Variants in CSMD1 observed in about 807,000 individuals in gnomAD.
CSMD1 encodes the protein CUB and sushi domain-containing protein 1.
Under a neutral mutation model 417.5 loss-of-function variants are expected in CSMD1, and 213 were observed. That is an observed-to-expected ratio of 0.51 (90% CI 0.46 to 0.57). CSMD1 has a LOEUF of 0.57. Ranked by LOEUF, CSMD1 falls within the 20% of genes least tolerant of loss-of-function variation. The pLI is 0.00. For missense variants in CSMD1, 6,923 were observed against 4,529.7 expected (o/e 1.53, Z -15.17); for synonymous variants, 2,862 against 1,736.8 (o/e 1.65, Z -16.11).
intron 7 of CSMD1, among the ~76,000 whole-genome samples, chr8:3,704,537 G>A (rs1045297749): frequency 6.6e-6 from 1 of 152,166 alleles, no homozygotes; most frequent in Non-Finnish European, 1.5e-5. Flanking sequence ...CAGCTAGAGA[G>A]ATAAGAGGAG....
At chr8:3,441,510 T>TATATATATAC (rs1369666489) in intron 12 of CSMD1, among the ~76,000 whole-genome samples, 1 of 147,046 alleles carries the variant, frequency 6.8e-6, no homozygotes, top group African/African-American at 2.5e-5. Flanking sequence ...TATATATATA[T>TATATATATAC]ACACACACAC....
At chr8:4,460,517 C>T (rs534871800) in intron 2 of CSMD1, among the ~76,000 whole-genome samples, 236 of 152,040 alleles carry the variant, frequency 1.6e-3, no homozygotes, top group African/African-American at 4.9e-3. Context: ...TGAACGTAAG[C>T]AAATTCAAAG....
chr8:4,051,854 C>CTCTT (rs796443496), intron 3 of CSMD1, among the ~76,000 whole-genome samples: 5,068 of 28,022 alleles, frequency 0.18, 282 homozygotes, highest in East Asian at 0.43. Context: ...CTTTTCTTTT[C>CTCTT]TCTTTCTTTC....
intron 21 of CSMD1, among the ~76,000 whole-genome samples, chr8:3,354,472 T>G (rs1292621544): frequency 6.6e-6 from 1 of 152,140 alleles, no homozygotes; most frequent in Non-Finnish European, 1.5e-5. Flanking sequence ...ACAGAAAGTC[T>G]ACCTTTCTCC....
intron 23 of CSMD1, among the ~76,000 whole-genome samples, chr8:3,339,017 G>T (rs1231991630): frequency 3.9e-5 from 5 of 127,414 alleles, no homozygotes; most frequent in African/African-American, 1.5e-4. Context: ...CCCTGAGTGT[G>T]ATATTCCCCT....
chr8:3,237,651 T>A (rs368897645), intron 26 of CSMD1, among the ~76,000 whole-genome samples: 106 of 107,640 alleles, frequency 9.8e-4, no homozygotes, highest in Admixed American at 2.3e-3. Flanking sequence ...TATAATTTTT[T>A]AAATTATACT....
At chr8:4,132,940 T>A (rs550130416) in intron 3 of CSMD1, among the ~76,000 whole-genome samples, 3 of 152,256 alleles carry the variant, frequency 2.0e-5, no homozygotes, top group African/African-American at 7.2e-5. Flanking sequence ...ATTTATTTAT[T>A]TATTTATTTT....
chr8:4,708,044 A>G (rs892433207), intron 1 of CSMD1, among the ~76,000 whole-genome samples: 2 of 152,158 alleles, frequency 1.3e-5, no homozygotes, highest in Non-Finnish European at 2.9e-5. Flanking sequence ...CCTTGGCTCA[A>G]GTGATCCTAC....
At chr8:4,206,904 A>G (rs546226027) in intron 3 of CSMD1, among the ~76,000 whole-genome samples, 2 of 152,238 alleles carry the variant, frequency 1.3e-5, no homozygotes, top group Non-Finnish European at 2.9e-5. Flanking sequence ...TAAATATTTT[A>G]TAATTTAGAG....
chr8:4,318,573 A>G (rs1799073256), intron 3 of CSMD1, among the ~76,000 whole-genome samples: 1 of 152,158 alleles, frequency 6.6e-6, no homozygotes, highest in African/African-American at 2.4e-5. Context: ...ACTAAAAAGA[A>G]TAAAAAACAT....
chr8:4,752,020 T>C (rs1036041474), intron 1 of CSMD1, among the ~76,000 whole-genome samples: 2 of 152,228 alleles, frequency 1.3e-5, no homozygotes, highest in African/African-American at 2.4e-5. Flanking sequence ...GATTAGTATC[T>C]ACATTAAATA....
chr8:3,391,179 A>G (rs1158743534), intron 17 of CSMD1, among the ~76,000 whole-genome samples: 2 of 152,180 alleles, frequency 1.3e-5, no homozygotes, highest in East Asian at 1.9e-4. Flanking sequence ...TCAGCAAACA[A>G]TTGGTGTGGT....
intron 1 of CSMD1, among the ~76,000 whole-genome samples, chr8:4,756,325 C>G (rs2117072769): frequency 6.6e-6 from 1 of 152,184 alleles, no homozygotes; most frequent in African/African-American, 2.4e-5. Context: ...TTTCCAGAAA[C>G]ACCATAACTC....
chr8:4,335,873 G>T (rs1800136857), intron 3 of CSMD1, among the ~76,000 whole-genome samples: 1 of 152,108 alleles, frequency 6.6e-6, no homozygotes, highest in South Asian at 2.1e-4. Context: ...AGGGGGACGA[G>T]AAAGTGGAGA....
At chr8:3,358,174 T>C (rs1808921428) in intron 21 of CSMD1, among the ~76,000 whole-genome samples, 1 of 152,228 alleles carries the variant, frequency 6.6e-6, no homozygotes. Context: ...CTTCCCCACC[T>C]GCCTCCAGTT....
At chr8:4,587,385 A>G (rs1279884220) in intron 2 of CSMD1, among the ~76,000 whole-genome samples, 2 of 149,126 alleles carry the variant, frequency 1.3e-5, no homozygotes, top group African/African-American at 5.0e-5. Flanking sequence ...ATGTATATGT[A>G]CATACATGTA....
chr8:3,399,571 G>C (rs1428504078), intron 15 of CSMD1, 42 bp from the exon 16 acceptor site: 4 of 1,488,778 alleles, frequency 2.7e-6, no homozygotes, highest in Admixed American at 2.1e-5. Flanking sequence ...CAATGAGACA[G>C]AAGGATATGC....
intron 1 of CSMD1, among the ~76,000 whole-genome samples, chr8:4,892,912 T>A (rs1329868196): frequency 6.6e-6 from 1 of 152,162 alleles, no homozygotes; most frequent in African/African-American, 2.4e-5. Flanking sequence ...AAAGTATTAA[T>A]GAAGTGAATA....
At position 4,453,810 on chromosome 8, in the gene CSMD1, G is replaced by GTTTTTTTTT. The variant is rs1392324658; in HGVS notation, c.303-33746_303-33745insAAAAAAAAA. On this transcript the variant is annotated intron_variant, in intron 2 of 69. Coordinates refer to ENST00000635120, the MANE Select transcript of CSMD1 (RefSeq NM_033225.6). Reference sequence around the variant, plus strand: ...GTTCCCGAACAAGATTGCGCAATTCGTTTCTTTTTTTTTTTTTTTTTTTTT... The same window carrying GTTTTTTTTT: ...GTTCCCGAACAAGATTGCGCAATTCGTTTTTTTTTTTTCTTTTTTTTTTTTTTTTTTTTT... Among the ~76,000 whole-genome samples the GTTTTTTTTT allele has an allele frequency of 5.4e-5, 5 of 93,020 alleles. 1 individual carries two copies. Among genetic ancestry groups the GTTTTTTTTT allele is most frequent in the African/African-American group, 7.8e-5 (2 of 25,766 alleles). The allele number at this position is 93,020 out of a possible 152,430, so 61.0% of individuals were successfully genotyped here.
Sources: gnomAD v4.1 joint callset for allele counts (sites outside exome capture counted in the v4.1 genomes callset) on GRCh38, gnomAD v4.1.1 for gene constraint, MANE v1.5 for transcripts, NCBI Gene and HGNC (gene_info 2026-07-23, HGNC 2026-07-21) for gene names.